Variants in SCML2 observed in about 807,000 individuals in gnomAD.
The protein encoded by SCML2 is sex comb on midleg-like protein 2.
A neutral mutation model predicts 48.4 loss-of-function variants in SCML2; 6 were observed. The ratio of observed to expected loss-of-function variants is 0.12; its 90% confidence interval spans 0.07 to 0.24. The LOEUF (loss-of-function observed/expected upper bound fraction) is 0.24. SCML2 is among the 10% of genes least tolerant of loss of function. The pLI is 1.00. For synonymous variants in SCML2, 181 were observed against 189.5 expected, an observed-to-expected ratio of 0.95 and a Z score of 0.37; for missense variants, 377 against 528.2, an observed-to-expected ratio of 0.71 and a Z score of 2.81.
chrX:18,246,442 G>A (rs376096932), intron 13 of SCML2, 135 bp downstream of exon 13: 2 of 576,899 alleles, frequency 3.5e-6, no homozygotes, highest in Non-Finnish European at 2.7e-6. Context: ...TGACCTGACA[G>A]TGATGTGAAA....
At chrX:18,329,624 A>T (rs777483260) in intron 3 of SCML2, among the ~76,000 whole-genome samples, 1 of 112,857 alleles carries the variant, frequency 8.9e-6, no homozygotes, top group South Asian at 3.6e-4. Context: ...GCAATATTAT[A>T]CATGTACTGT....
rs1029360536 is a variant in SCML2 at position 18,260,232 on chromosome X, T to C, written c.1008A>G (p.Arg336=). 2.5e-6 allele frequency: 3 copies of C among 1,202,915 alleles called. No individual in the cohort carries two copies. The highest frequency in any genetic ancestry group is 3.4e-6 in the Non-Finnish European group (3 of 890,170). Residue 336 remains arginine (R), a synonymous_variant, in exon 9 of 15, where the codon AGA becomes AGG. Coordinates refer to ENST00000251900, the MANE Select transcript of SCML2 (RefSeq NM_006089.3). ...TSAASLKSLT[R]DRGMLYKDVA... is the part of the protein sequence containing the mutation. ...CATCTTTATATAACATGCCACGGTCTCTGGTCAGCGATTTTAGAGAAGCTG... is the reference window on the plus strand; with the variant it reads ...CATCTTTATATAACATGCCACGGTCCCTGGTCAGCGATTTTAGAGAAGCTG...
chrX:18,308,202 G>A (rs1187782481), intron 6 of SCML2, among the ~76,000 whole-genome samples: 2 of 103,952 alleles, frequency 1.9e-5, no homozygotes, highest in African/African-American at 7.0e-5. Context: ...GGAGGTTGGA[G>A]TGAGCCAAGA....
chrX:18,263,687 G>T (rs1927154408), intron 8 of SCML2, among the ~76,000 whole-genome samples: 2 of 111,158 alleles, frequency 1.8e-5, no homozygotes, highest in Admixed American at 1.9e-4. Context: ...GAAAACTATT[G>T]AATTCTACTA....
chrX:18,341,834 T>C (rs916686161), intron 1 of SCML2, among the ~76,000 whole-genome samples: 1 of 112,179 alleles, frequency 8.9e-6, no homozygotes, highest in African/African-American at 3.2e-5. Context: ...AAACGTTCTA[T>C]TGTCCCTCTT....
At chrX:18,350,642 G>A (rs1435932409) in intron 1 of SCML2, among the ~76,000 whole-genome samples, 1 of 109,565 alleles carries the variant, frequency 9.1e-6, no homozygotes, top group Non-Finnish European at 1.9e-5. Context: ...CAACTGGGAA[G>A]GCTGAGGCAG....
intron 7 of SCML2, among the ~76,000 whole-genome samples, chrX:18,291,109 T>C (rs961351738): frequency 6.3e-5 from 7 of 111,784 alleles, no homozygotes; most frequent in Admixed American, 3.8e-4. Context: ...AAATCTACAA[T>C]GGGCCTCGTT....
intron 5 of SCML2, among the ~76,000 whole-genome samples, chrX:18,321,965 T>A (rs1929336864): frequency 9.0e-6 from 1 of 111,554 alleles, no homozygotes. Context: ...GAGCAGGTCT[T>A]CTGGGGGGCT....
chrX:18,245,358 C>T (rs1407150314), intron 13 of SCML2, among the ~76,000 whole-genome samples: 1 of 112,113 alleles, frequency 8.9e-6, no homozygotes, highest in East Asian at 2.8e-4. Flanking sequence ...TAACCTTATA[C>T]TGAGAAAGCC....
At chrX:18,270,295 G>A (rs763704964) in intron 7 of SCML2, among the ~76,000 whole-genome samples, 1 of 111,318 alleles carries the variant, frequency 9.0e-6, no homozygotes, top group Admixed American at 9.6e-5. Context: ...CCAAAGTGCT[G>A]GAATTACAGG....
At position 18,323,862 on chromosome X, in the gene SCML2, G is replaced by A; in HGVS notation, c.394C>T (p.Leu132=). The A allele has an allele frequency of 8.4e-7, 1 of 1,183,831 alleles. No individual in the cohort carries two copies. The highest frequency in any genetic ancestry group is 1.1e-6 in the Non-Finnish European group (1 of 870,104). The part of the protein sequence containing the change: ...EKEGDLLQPP[L]GYQMNTSSWP... Reference sequence around the variant, plus strand: ...ATTTTTAAAACTTTCTTCTTACCTAGTGGAGGTTGAAGTAAGTCTCCTTCC... The same window carrying A: ...ATTTTTAAAACTTTCTTCTTACCTAATGGAGGTTGAAGTAAGTCTCCTTCC... The change falls in exon 5 of 15, where the codon CTA becomes TTA. Residue 132 remains leucine, a synonymous_variant. Transcript: ENST00000251900.
intron 13 of SCML2, among the ~76,000 whole-genome samples, chrX:18,245,257 AAGAAGACCAGAAG>A (rs1470608958): frequency 4.5e-5 from 5 of 112,181 alleles, no homozygotes; most frequent in Non-Finnish European, 1.9e-5. Flanking sequence ...CTACATTGCT[AAGAAGACCAGAAG>A]CTAGCCGTCT....
chrX:18,337,174 T>C (rs7056050), intron 1 of SCML2, among the ~76,000 whole-genome samples: 29,148 of 106,870 alleles, frequency 0.27, 3,497 homozygotes, highest in African/African-American at 0.44. Flanking sequence ...TGGTGATGTG[T>C]GCCTGTAGTC....
At chrX:18,244,720 AATGAAAGT>A (rs1926380771) in intron 13 of SCML2, among the ~76,000 whole-genome samples, 1 of 110,550 alleles carries the variant, frequency 9.0e-6, no homozygotes, top group African/African-American at 3.3e-5. Context: ...GAATAAATAT[AATGAAAGT>A]ATGAAAGTGA....
At chrX:18,246,424 T>C (rs540232582) in intron 13 of SCML2, among the ~76,000 whole-genome samples, 153 bp downstream of exon 13, 168 of 112,325 alleles carry the variant, frequency 1.5e-3, no homozygotes, top group Non-Finnish European at 2.0e-3. Context: ...GGAGGATCCA[T>C]AATGGTCTGA....
chrX:18,280,660 T>A (rs768683343), intron 7 of SCML2, among the ~76,000 whole-genome samples: 1 of 111,427 alleles, frequency 9.0e-6, no homozygotes, highest in East Asian at 2.8e-4. Context: ...AGTAAAAGAA[T>A]GGAGATCTAT....
At chrX:18,262,113 T>C (rs1927086614) in intron 8 of SCML2, among the ~76,000 whole-genome samples, 1 of 108,658 alleles carries the variant, frequency 9.2e-6, no homozygotes, top group African/African-American at 3.5e-5. Flanking sequence ...ATCGGATGGC[T>C]GAACTCAGGA....
chrX:18,337,785 T>C (rs1929880859), intron 1 of SCML2, among the ~76,000 whole-genome samples: 1 of 111,668 alleles, frequency 9.0e-6, no homozygotes, highest in African/African-American at 3.3e-5. Flanking sequence ...TAGAGACTAC[T>C]TCATCCAACA....
intron 13 of SCML2, among the ~76,000 whole-genome samples, chrX:18,245,545 T>C (rs1340941678): frequency 9.0e-6 from 1 of 111,524 alleles, no homozygotes; most frequent in Non-Finnish European, 1.9e-5. Flanking sequence ...CACAGTGTGG[T>C]TGCCCATAGA....
Sources: allele counts gnomAD v4.1 joint callset (sites outside exome capture counted in the v4.1 genomes callset), GRCh38; gene constraint gnomAD v4.1.1; transcripts MANE v1.5; gene names NCBI Gene and HGNC (gene_info 2026-07-23, HGNC 2026-07-21).